ANKRD17: variants seen among roughly 807,000 people sequenced by gnomAD.
The protein encoded by ANKRD17 is ankyrin repeat domain 17, also known as ankyrin repeat domain-containing protein 17.
ANKRD17 carries 19 observed loss-of-function variants against 229.7 expected under a neutral mutation model. The ratio of observed to expected loss-of-function variants is 0.08; its 90% CI spans 0.06 to 0.12. ANKRD17 has a LOEUF of 0.12. Among genes scored for constraint, ANKRD17 ranks in the 10% least tolerant of loss-of-function variants. The pLI, the probability that ANKRD17 is intolerant of heterozygous loss-of-function variation, is 1.00. For synonymous variants in ANKRD17, 1,112 were observed against 1,146.1 expected (o/e 0.97, Z 0.60); for missense variants, 2,176 against 3,176.8 (o/e 0.68, Z 7.57).
At chr4:73,203,374 G>A (rs897499558) in intron 1 of ANKRD17, among the ~76,000 whole-genome samples, 1 of 152,100 alleles carries the variant, frequency 6.6e-6, no homozygotes, top group Non-Finnish European at 1.5e-5. Context: ...ATGTACAGAG[G>A]CAATGTTATT....
At chr4:73,158,142 G>GGAAGAA (rs1314466355) in intron 3 of ANKRD17, among the ~76,000 whole-genome samples, 5 of 127,666 alleles carry the variant, frequency 3.9e-5, no homozygotes, top group South Asian at 2.6e-4. Flanking sequence ...GAGAAAGAAA[G>GGAAGAA]AAAGGAAGAA....
chr4:73,082,423 T>C (rs201297365), intron 30 of ANKRD17, among the ~76,000 whole-genome samples: 5 of 151,926 alleles, frequency 3.3e-5, no homozygotes, highest in East Asian at 3.9e-4. Flanking sequence ...AGGAGTTTGA[T>C]TGAGGCTGCA....
At chr4:73,222,990 A>G in intron 1 of ANKRD17, 1 of 1,535,630 alleles carries the variant, frequency 6.5e-7, no homozygotes, top group South Asian at 1.2e-5. Flanking sequence ...AATGTCTTCT[A>G]GAACATATGC....
chr4:73,087,076 G>A (rs1722279158), intron 29 of ANKRD17, among the ~76,000 whole-genome samples: 1 of 148,720 alleles, frequency 6.7e-6, no homozygotes, highest in Admixed American at 6.7e-5. Flanking sequence ...ACACGGCCAT[G>A]CTTTCCACAG....
In ANKRD17 at chr4:73,218,533, C is replaced by A. The variant is rs924946961; in HGVS notation, c.393+39743G>T. ...TGGCGCATGCCTGTAATCCCAGCTA[C>A]TCCAGAGGCTGAGACAAGAGAATCG... On this transcript the variant is annotated intron_variant, in intron 1 of 33. Coordinates refer to ENST00000358602, the MANE Select transcript of ANKRD17 (RefSeq NM_032217.5). 2.0e-5 allele frequency among the ~76,000 whole-genome samples: 3 copies of A among 151,554 alleles called. No individual in the cohort carries two copies. In the South Asian group the frequency reaches 6.2e-4, roughly 32 times the overall value.
Position 73,160,655 on chromosome 4 carries a change from T to C in ANKRD17, c.704+537A>G, listed in dbSNP as rs116608900. On this transcript the variant is annotated intron_variant, in intron 3 of 33. Transcript: ENST00000358602. ...TCCTTACTAACTGTAAAGTGCTATC[T>C]ATATACAAGGAATTATAGGATATAA... Among the ~76,000 whole-genome samples the C allele has an allele frequency of 3.8e-3, 579 of 152,282 alleles. 3 individuals carry two copies. Among genetic ancestry groups the C allele is most frequent in the Middle Eastern group, 0.017 (5 of 294 alleles).
intron 6 of ANKRD17, among the ~76,000 whole-genome samples, chr4:73,152,712 T>C (rs191257787): frequency 2.7e-4 from 41 of 152,152 alleles, no homozygotes; most frequent in African/African-American, 9.6e-4. Context: ...ATGCAGCCAG[T>C]ACTGGGTTCA....
At chr4:73,227,526 C>G (rs1331227996) in intron 1 of ANKRD17, among the ~76,000 whole-genome samples, 2 of 152,064 alleles carry the variant, frequency 1.3e-5, no homozygotes, top group African/African-American at 4.8e-5. Context: ...CAAGACTTTT[C>G]ATTATTTTGC....
At chr4:73,113,338 C>A (rs1725557392) in intron 24 of ANKRD17, 3 of 1,289,308 alleles carry the variant, frequency 2.3e-6, no homozygotes, top group Non-Finnish European at 3.0e-6. Flanking sequence ...CAAGAGAAGT[C>A]ACCCATTTAA....
chr4:73,184,029 T>G (rs913486267), intron 1 of ANKRD17, among the ~76,000 whole-genome samples: 5 of 152,094 alleles, frequency 3.3e-5, no homozygotes, highest in Non-Finnish European at 7.4e-5. Context: ...AATGAATTTG[T>G]TTGTCATTAA....
At chr4:73,153,315 A>T (rs945064600) in intron 6 of ANKRD17, among the ~76,000 whole-genome samples, 6 of 152,284 alleles carry the variant, frequency 3.9e-5, no homozygotes, top group African/African-American at 1.4e-4. Flanking sequence ...TTAATAAAAA[A>T]CTTCCTTAAT....
intron 13 of ANKRD17, 116 bp from the exon 14 acceptor site, chr4:73,141,959 GACA>G: frequency 1.1e-6 from 1 of 902,096 alleles, no homozygotes; most frequent in Non-Finnish European, 1.6e-6. Context: ...TGTCATCTTA[GACA>G]ATGACATATT....
chr4:73,138,373 T>C (rs1000507739), intron 15 of ANKRD17, among the ~76,000 whole-genome samples: 1 of 152,168 alleles, frequency 6.6e-6, no homozygotes, highest in African/African-American at 2.4e-5. Context: ...TGAGGTGCTA[T>C]TAAAGGCGGA....
chr4:73,103,276 G>A (rs1203928064), intron 24 of ANKRD17, among the ~76,000 whole-genome samples: 3 of 151,720 alleles, frequency 2.0e-5, no homozygotes, highest in Admixed American at 2.0e-4. Context: ...TTTGTGCATC[G>A]ATTTGTATAA....
intron 7 of ANKRD17, among the ~76,000 whole-genome samples, chr4:73,149,375 CTTAAATG>C (rs1730697772): frequency 1.3e-5 from 2 of 151,446 alleles, no homozygotes; most frequent in African/African-American, 2.4e-5. Flanking sequence ...ATGGTACAAA[CTTAAATG>C]TTAAAAGGAT....
In ANKRD17 at chr4:73,091,683, C is replaced by A. The variant is rs1722811074; in HGVS notation, c.5945G>T (p.Gly1982Val). 6.2e-7 allele frequency: 1 copy of A among 1,614,124 alleles called. No homozygotes were observed. Among genetic ancestry groups the A allele is most frequent in the East Asian group, 2.2e-5 (1 of 44,876 alleles). The change falls in exon 29 of 34, where the codon GGT (glycine) becomes GTT (valine). Residue 1982 changes from glycine to valine, a missense_variant. This residue lies in a region of ANKRD17 where 424 missense variants were observed against 454.0 expected (regional missense o/e 0.93). Transcript: ENST00000358602. The part of the protein sequence containing the change: ...TTSSSASTVP[G>V]TSTNGSPSSP... The stretch of plus-strand genomic sequence containing the variant: ...ACTTGGACTGCCATTTGTAGATGTA[C>A]CAGGCACCGTTGAAGCTGATGAACT...
chr4:73,174,093 A>AGAATGAAGGAAGGAAGGAAG (rs1734402024), intron 2 of ANKRD17, among the ~76,000 whole-genome samples: 1 of 111,200 alleles, frequency 9.0e-6, no homozygotes, highest in African/African-American at 3.5e-5. Flanking sequence ...AAGGGAGGGG[A>AGAATGAAGGAAGGAAGGAAG]GAAGGAAGGA....
At position 73,204,864 on chromosome 4, in the gene ANKRD17, A is replaced by T. The variant is rs754733410; in HGVS notation, c.394-27331T>A. 2.0e-4 allele frequency among the ~76,000 whole-genome samples: 30 copies of T among 152,164 alleles called. 1 individual carries two copies. The highest frequency in any genetic ancestry group is 1.2e-3 in the Admixed American group (19 of 15,264). On this transcript the variant is annotated intron_variant, in intron 1 of 33. Transcript: ENST00000358602. ...GAACAATCACAAATAAAATAATAAA[A>T]ACAGGTAATACACCAATAAAAGGGA... is the stretch of plus-strand genomic sequence containing the variant.
chr4:73,133,093 C>CA (rs1246016670), intron 16 of ANKRD17, among the ~76,000 whole-genome samples: 30 of 151,612 alleles, frequency 2.0e-4, no homozygotes, highest in Non-Finnish European at 4.4e-4. Flanking sequence ...ACTAAAAATA[C>CA]AAAAAAATTG....
Sources: gnomAD v4.1 joint callset for allele counts (sites outside exome capture counted in the v4.1 genomes callset) on GRCh38, gnomAD v4.1.1 for gene constraint, gnomAD v4.1.1 regional missense constraint, MANE v1.5 for transcripts, NCBI Gene and HGNC (gene_info 2026-07-23, HGNC 2026-07-21) for gene names.